The following CEP83 variants were observed in gnomAD, a reference collection of about 807,000 sequenced individuals.
CEP83 encodes the protein centrosomal protein of 83 kDa.
CEP83 carries 70 observed loss-of-function variants against 101.9 expected under a neutral mutation model. That is an observed-to-expected ratio of 0.69 (90% confidence interval 0.57 to 0.84). The LOEUF is 0.84. CEP83 is among the 40% of genes least tolerant of loss of function. The probability of loss-of-function intolerance (pLI) is 0.00; values close to 1 mark genes in which losing one functional copy is unlikely to be tolerated. For synonymous variants in CEP83, 264 were observed against 267.9 expected (o/e 0.99, Z 0.14); for missense variants, 715 against 787.2 (o/e 0.91, Z 1.10).
intron 2 of CEP83, chr12:94,424,048 C>T: frequency 6.2e-7 from 1 of 1,611,996 alleles, no homozygotes; most frequent in East Asian, 2.2e-5. Context: ...AATGGTGGTG[C>T]ATCCAGGATG....
At chr12:94,377,327 A>G (rs560413570) in intron 7 of CEP83, among the ~76,000 whole-genome samples, 1 of 152,322 alleles carries the variant, frequency 6.6e-6, no homozygotes, top group East Asian at 1.9e-4. Flanking sequence ...ACTGTGGCTC[A>G]GTGCAGCTAC....
At chr12:94,429,212 G>T (rs57998192) in intron 2 of CEP83, among the ~76,000 whole-genome samples, 6,695 of 152,252 alleles carry the variant, frequency 0.044, 445 homozygotes, top group African/African-American at 0.15. Context: ...GCTTATCCGA[G>T]ATTAGCTAAG....
chr12:94,424,270 T>C, intron 2 of CEP83: 1 of 1,614,210 alleles, frequency 6.2e-7, no homozygotes, highest in Non-Finnish European at 8.5e-7. Flanking sequence ...CCCGTCCATT[T>C]TGCACAAATA....
At chr12:94,438,974 C>T (rs931478819) in intron 1 of CEP83, among the ~76,000 whole-genome samples, 6 of 152,054 alleles carry the variant, frequency 3.9e-5, no homozygotes, top group Admixed American at 2.0e-4. Flanking sequence ...TTGAACTGAA[C>T]GATAACAGTG....
intron 2 of CEP83, among the ~76,000 whole-genome samples, chr12:94,431,595 T>TA (rs572489191): frequency 0.057 from 7,182 of 126,916 alleles, 208 homozygotes; most frequent in Non-Finnish European, 0.083. Flanking sequence ...AACTTAACGG[T>TA]AAAAAAAAAA....
At chr12:94,296,061 C>T in the CEP83 span, among the ~76,000 whole-genome samples, 2 of 152,212 alleles carry the variant, frequency 1.3e-5, no homozygotes, top group African/African-American at 4.8e-5. Context: ...TTCCAACCTT[C>T]TTGGTATCCT....
chr12:94,327,612 A>G (rs1002307135), intron 14 of CEP83, among the ~76,000 whole-genome samples: 2 of 152,200 alleles, frequency 1.3e-5, no homozygotes, highest in Non-Finnish European at 2.9e-5. Flanking sequence ...TTTCTACTCA[A>G]CTGACATTCT....
At chr12:94,329,761 T>C (rs1396572103) in intron 14 of CEP83, among the ~76,000 whole-genome samples, 1 of 152,172 alleles carries the variant, frequency 6.6e-6, no homozygotes, top group Non-Finnish European at 1.5e-5. Context: ...ATCCCATTAA[T>C]ATTCATACAC....
chr12:94,271,660 C>T, the CEP83 span, among the ~76,000 whole-genome samples: 16 of 152,304 alleles, frequency 1.1e-4, no homozygotes, highest in East Asian at 2.7e-3. Flanking sequence ...AACCTGCCCT[C>T]GCATATTTGT....
At chr12:94,419,916 T>C (rs2064587107) in intron 2 of CEP83, among the ~76,000 whole-genome samples, 1 of 152,166 alleles carries the variant, frequency 6.6e-6, no homozygotes, top group Non-Finnish European at 1.5e-5. Context: ...AAATATTCAG[T>C]AACTCAAGGC....
chr12:94,303,911 C>T (rs754414635), downstream of CEP83: 1 of 1,607,724 alleles, frequency 6.2e-7, no homozygotes, highest in South Asian at 1.1e-5. Context: ...CATTAGAAAG[C>T]AGAAATAAGC....
At chr12:94,366,771 A>C (rs2061046100) in intron 11 of CEP83, among the ~76,000 whole-genome samples, 1 of 152,150 alleles carries the variant, frequency 6.6e-6, no homozygotes, top group Non-Finnish European at 1.5e-5. Context: ...GAATCAAAGC[A>C]CCTCAGATAA....
chr12:94,356,091 G>C (rs2060459672), intron 11 of CEP83, among the ~76,000 whole-genome samples: 6 of 152,166 alleles, frequency 3.9e-5, no homozygotes, highest in Admixed American at 3.9e-4. Context: ...CCCATTCATG[G>C]GGGCTCGAAT....
the CEP83 span, among the ~76,000 whole-genome samples, chr12:94,273,010 C>T: frequency 2.0e-5 from 3 of 152,084 alleles, no homozygotes; most frequent in South Asian, 2.1e-4. Flanking sequence ...AGTCAGGACA[C>T]GTCCTAGTTA....
At chr12:94,305,059 T>C (rs919719466), downstream of CEP83, 7 of 632,998 alleles carry the variant, frequency 1.1e-5, no homozygotes, top group East Asian at 2.8e-5. Context: ...ATGTAAATGA[T>C]GGAAGAAAAT....
At chr12:94,297,689 A>G in the CEP83 span, among the ~76,000 whole-genome samples, 4 of 152,052 alleles carry the variant, frequency 2.6e-5, no homozygotes. Context: ...CCATTTCACT[A>G]TTATTGTTAT....
At chr12:94,380,670 G>A (rs2061799004) in intron 6 of CEP83, among the ~76,000 whole-genome samples, 1 of 152,172 alleles carries the variant, frequency 6.6e-6, no homozygotes, top group South Asian at 2.1e-4. Context: ...AAGGTCAGGA[G>A]TCAATGTGTA....
chr12:94,306,548 A>C (rs1244380972), downstream of CEP83: 1 of 152,220 alleles, frequency 6.6e-6, no homozygotes, highest in African/African-American at 2.4e-5. Flanking sequence ...AACCAGAAGA[A>C]GTAAACAGCA....
chr12:94,301,306 C>A, the CEP83 span, among the ~76,000 whole-genome samples: 1 of 152,196 alleles, frequency 6.6e-6, no homozygotes, highest in Non-Finnish European at 1.5e-5. Context: ...AACTTTATCA[C>A]AAAGTATGCG....
Sources: allele counts gnomAD v4.1 joint callset (sites outside exome capture counted in the v4.1 genomes callset), GRCh38; gene constraint gnomAD v4.1.1; transcripts MANE v1.5; gene names NCBI Gene and HGNC (gene_info 2026-07-23, HGNC 2026-07-21).